Variants in CACNA1D observed in about 807,000 individuals in gnomAD.
The protein encoded by CACNA1D is calcium voltage-gated channel subunit alpha1 D.
In CACNA1D, 55 loss-of-function variants were observed where a neutral mutation model predicts 257.1. The observed-to-expected ratio is 0.21, with a 90% CI of 0.17 to 0.27. The LOEUF (loss-of-function observed/expected upper bound fraction) is 0.27. Ranked by LOEUF, CACNA1D falls within the 10% of genes least tolerant of loss-of-function variation. The probability of loss-of-function intolerance (pLI) is 1.00; values close to 1 mark genes in which losing one functional copy is unlikely to be tolerated. For missense variants in CACNA1D, 1,876 were observed against 2,784.0 expected (o/e 0.67, Z 7.34); for synonymous variants, 980 against 1,014.9 (o/e 0.97, Z 0.65).
chr3:53,502,210 G>A (rs1405974008), intron 3 of CACNA1D, among the ~76,000 whole-genome samples: 1 of 151,712 alleles, frequency 6.6e-6, no homozygotes. Flanking sequence ...AGCATAATTT[G>A]GAGAATAATA....
rs567214251 is a variant in CACNA1D, at chr3:53,690,827, G to A, written c.1221-11814G>A. Among the ~76,000 whole-genome samples the A allele has an allele frequency of 2.4e-4, 37 of 152,296 alleles. 1 individual carries two copies. The highest frequency in any genetic ancestry group is 1.5e-3 in the East Asian group (8 of 5,188). ...GAGCTTATTCTGGCAGTGTAACCAG[G>A]CCCTTCACACAGCAAACTGTAGTGA... On this transcript the variant is annotated intron_variant, in intron 8 of 47. Transcript: ENST00000350061.
chr3:53,781,513 A>T, intron 38 of CACNA1D, 53 bp from the exon 39 acceptor site: 1 of 1,184,842 alleles, frequency 8.4e-7, no homozygotes. Flanking sequence ...GCAGAGGAGG[A>T]GCTGGGGAAC....
intron 45 of CACNA1D, among the ~76,000 whole-genome samples, chr3:53,806,300 C>T (rs2106854674): frequency 6.6e-6 from 1 of 152,040 alleles, no homozygotes; most frequent in African/African-American, 2.4e-5. Context: ...CTGTCAGTGC[C>T]CTCTGCTCAC....
At chr3:53,512,376 G>A (rs1302196579) in intron 3 of CACNA1D, among the ~76,000 whole-genome samples, 1 of 152,192 alleles carries the variant, frequency 6.6e-6, no homozygotes, top group Non-Finnish European at 1.5e-5. Flanking sequence ...GCTTTGGCGT[G>A]TTTTAGGTTG....
chr3:53,763,609 C>A (rs1038659499), intron 30 of CACNA1D, among the ~76,000 whole-genome samples: 2 of 152,164 alleles, frequency 1.3e-5, no homozygotes, highest in African/African-American at 4.8e-5. Flanking sequence ...AATGTCCAGC[C>A]CACCCCCTGC....
intron 4 of CACNA1D, among the ~76,000 whole-genome samples, chr3:53,659,793 A>G (rs2094185323): frequency 6.6e-6 from 1 of 152,260 alleles, no homozygotes; most frequent in South Asian, 2.1e-4. Context: ...GCAAGTGCTC[A>G]TGAATGGTAG....
At chr3:53,586,769 C>G (rs1490625944) in intron 3 of CACNA1D, among the ~76,000 whole-genome samples, 1 of 152,152 alleles carries the variant, frequency 6.6e-6, no homozygotes, top group East Asian at 1.9e-4. Flanking sequence ...GGTACTAGCC[C>G]CCTGGAAAAC....
At chr3:53,641,830 G>A (rs181321098) in intron 3 of CACNA1D, among the ~76,000 whole-genome samples, 9 of 152,294 alleles carry the variant, frequency 5.9e-5, no homozygotes, top group African/African-American at 2.2e-4. Flanking sequence ...GGGCTCGGAG[G>A]CCCTGTGTAT....
At chr3:53,528,790 A>G (rs182891606) in intron 3 of CACNA1D, among the ~76,000 whole-genome samples, 45 of 152,294 alleles carry the variant, frequency 3.0e-4, no homozygotes, top group African/African-American at 1.1e-3. Flanking sequence ...ATAGAATTTT[A>G]AAAAGAATCT....
chr3:53,544,203 A>T (rs1275996692), intron 3 of CACNA1D, among the ~76,000 whole-genome samples: 1 of 152,190 alleles, frequency 6.6e-6, no homozygotes, highest in East Asian at 1.9e-4. Flanking sequence ...TCTTGTCCCA[A>T]AGTGTCCCCT....
At chr3:53,598,037 G>C (rs1283857612) in intron 3 of CACNA1D, among the ~76,000 whole-genome samples, 1 of 152,048 alleles carries the variant, frequency 6.6e-6, no homozygotes, top group Non-Finnish European at 1.5e-5. Context: ...TGTTTTTCTA[G>C]GACAGTATGA....
chr3:53,740,432 C>G (rs538681029), intron 21 of CACNA1D, 93 bp downstream of exon 21: 9 of 848,546 alleles, frequency 1.1e-5, no homozygotes, highest in Non-Finnish European at 1.8e-5. Flanking sequence ...CTAGGTTACG[C>G]AGACTATGTC....
Position 53,735,508 on chromosome 3 carries a change from G to A in CACNA1D, c.2751+5G>A. 1.2e-6 allele frequency: 2 copies of A among 1,613,960 alleles called. No individual in the cohort carries two copies. Among genetic ancestry groups the A allele is most frequent in the African/African-American group, 1.3e-5 (1 of 75,064 alleles). ...AGCCACTCCTTCCGGAACACGGTAA[G>A]TCCCCAGGGTGGGGCTCGCTCTGGG... On this transcript the variant is annotated splice_donor_5th_base_variant and intron_variant, in intron 20 of 47. Coordinates refer to ENST00000350061, the MANE Select transcript of CACNA1D (RefSeq NM_001128840.3).
intron 3 of CACNA1D, among the ~76,000 whole-genome samples, chr3:53,537,856 G>A (rs1442588641): frequency 6.6e-6 from 1 of 152,146 alleles, no homozygotes; most frequent in Non-Finnish European, 1.5e-5. Flanking sequence ...TGAATTTCCT[G>A]TGAATTTGGT....
At chr3:53,761,957 AT>A (rs757153606) in intron 29 of CACNA1D, 40 bp from the exon 30 acceptor site, 4 of 1,391,636 alleles carry the variant, frequency 2.9e-6, no homozygotes, top group Non-Finnish European at 4.1e-6. Flanking sequence ...TGGGTCATTC[AT>A]ACATGCTCAT....
rs2095589782 is a variant in CACNA1D at position 53,810,257 on chromosome 3, A to G, written c.6151A>G (p.Asn2051Asp). 1 of 1,613,770 alleles carries G rather than the reference A, an allele frequency of 6.2e-7. No individual in the cohort carries two copies. The highest frequency in any genetic ancestry group is 2.2e-5 in the East Asian group (1 of 44,878). The change falls in exon 47 of 48, where the codon AAC becomes GAC. Residue 2051 changes from asparagine (N) to aspartate (D), a missense_variant. This residue lies in a region of CACNA1D where 491 missense variants were observed against 554.3 expected (regional missense o/e 0.89). Coordinates refer to ENST00000350061, the MANE Select transcript of CACNA1D (RefSeq NM_001128840.3). ...TGTCCCCAGCAGCTTCCGGAACAAA[A>G]ACAGCGACAAGCAGAGGAGTGCGGA... ...LTVPSSFRNKNSDKQRSADSL... is the reference protein window; with the variant it reads ...LTVPSSFRNKDSDKQRSADSL...
At chr3:53,559,736 C>G (rs1325701353) in intron 3 of CACNA1D, among the ~76,000 whole-genome samples, 1 of 152,234 alleles carries the variant, frequency 6.6e-6, no homozygotes, top group African/African-American at 2.4e-5. Context: ...CTCTCTTGAG[C>G]TTCCTTGGTT....
intron 20 of CACNA1D, 127 bp downstream of exon 20, chr3:53,735,630 G>T: frequency 9.7e-7 from 1 of 1,028,178 alleles, no homozygotes; most frequent in African/African-American, 1.6e-5. Context: ...TTCAGCTGGG[G>T]ACGTTGGCTG....
intron 3 of CACNA1D, among the ~76,000 whole-genome samples, chr3:53,650,007 C>T (rs958357871): frequency 9.2e-5 from 14 of 152,180 alleles, no homozygotes; most frequent in Non-Finnish European, 1.3e-4. Flanking sequence ...TCATTTAGCC[C>T]GTGAGCAGCA....
Sources: gnomAD v4.1 joint callset for allele counts (sites outside exome capture counted in the v4.1 genomes callset) on GRCh38, gnomAD v4.1.1 for gene constraint, gnomAD v4.1.1 regional missense constraint, MANE v1.5 for transcripts, NCBI Gene and HGNC (gene_info 2026-07-23, HGNC 2026-07-21) for gene names.